Variants in ZBTB20 observed in about 807,000 individuals in gnomAD.
ZBTB20 encodes zinc finger and BTB domain-containing protein 20.
In ZBTB20, 9 loss-of-function variants were observed where a neutral mutation model predicts 56.9. That is an observed-to-expected ratio of 0.16 (90% CI 0.10 to 0.28). ZBTB20 has a LOEUF of 0.28. ZBTB20 is among the 10% of genes least tolerant of loss of function. The pLI, the probability that ZBTB20 is intolerant of heterozygous loss-of-function variation, is 1.00. For synonymous variants in ZBTB20, 417 were observed against 420.7 expected (o/e 0.99, Z 0.11); for missense variants, 655 against 1,003.0 (o/e 0.65, Z 4.69).
chr3:115,007,929 C>T (rs747675261), intron 2 of ZBTB20, among the ~76,000 whole-genome samples: 2 of 151,828 alleles, frequency 1.3e-5, no homozygotes, highest in Non-Finnish European at 2.9e-5. Flanking sequence ...CTTTTTGGCT[C>T]TTCTCCTGCC....
chr3:114,417,030 T>C (rs1342449677), intron 7 of ZBTB20, among the ~76,000 whole-genome samples: 1 of 152,086 alleles, frequency 6.6e-6, no homozygotes, highest in Non-Finnish European at 1.5e-5. Context: ...CAAATACAGA[T>C]GTTTTGACCA....
Position 114,329,082 on chromosome 3 carries a change from G to C in ZBTB20, c.*9923C>G, listed in dbSNP as rs555269370. 3 of 152,182 alleles carry C rather than the reference G, an allele frequency of 2.0e-5. No individual in the cohort carries two copies. The highest frequency in any genetic ancestry group is 4.4e-5 in the Non-Finnish European group (3 of 68,032). 9.4% of individuals were successfully genotyped at this position (152,182 alleles called of 1,614,324 possible). ...CATTAGCCCTTTCAAAGCAGACTAA[G>C]AGTACGTAGTTCCTTAGTGAATACA... On this transcript the variant is annotated 3_prime_UTR_variant, in exon 12 of 12. Coordinates refer to ENST00000675478, the MANE Select transcript of ZBTB20 (RefSeq NM_001348800.3).
chr3:114,570,701 C>A (rs1408300083), intron 6 of ZBTB20, among the ~76,000 whole-genome samples: 1 of 151,986 alleles, frequency 6.6e-6, no homozygotes, highest in Admixed American at 6.6e-5. Flanking sequence ...AGGAAAGCAC[C>A]CTTTTTACTC....
intron 5 of ZBTB20, among the ~76,000 whole-genome samples, chr3:114,799,474 G>A (rs779604897): frequency 6.6e-6 from 1 of 151,862 alleles, no homozygotes; most frequent in Non-Finnish European, 1.5e-5. Context: ...TCTTCTTCCT[G>A]ACTGTCAAAA....
chr3:114,743,093 G>A lies in ZBTB20; in HGVS notation c.-342-49518C>T, dbSNP rs188963024. On this transcript the variant is annotated intron_variant, in intron 5 of 11. Coordinates refer to ENST00000675478, the MANE Select transcript of ZBTB20 (RefSeq NM_001348800.3). ...ACAAAGCATTGTCACAGCAGAACATGGTCATAAGTCCATCAAAGAGAAACC... is the reference window on the plus strand; with the variant it reads ...ACAAAGCATTGTCACAGCAGAACATAGTCATAAGTCCATCAAAGAGAAACC... Among the ~76,000 whole-genome samples the A allele has an allele frequency of 1.1e-3, 169 of 152,132 alleles. 1 individual carries two copies. Among genetic ancestry groups the A allele is most frequent in the African/African-American group, 4.0e-3 (166 of 41,504 alleles).
chr3:114,626,775 G>A (rs868449115), intron 6 of ZBTB20, among the ~76,000 whole-genome samples: 24 of 152,256 alleles, frequency 1.6e-4, no homozygotes, highest in Middle Eastern at 6.8e-3. Context: ...AAAGCAACAG[G>A]ATAAAAGTGT....
At chr3:114,921,873 C>T (rs577913648) in intron 3 of ZBTB20, among the ~76,000 whole-genome samples, 8 of 151,508 alleles carry the variant, frequency 5.3e-5, no homozygotes, top group South Asian at 2.1e-4. Context: ...TAAATATACA[C>T]ATATATATAT....
At chr3:114,679,289 C>G (rs1472502604) in intron 6 of ZBTB20, among the ~76,000 whole-genome samples, 1 of 152,130 alleles carries the variant, frequency 6.6e-6, no homozygotes, top group Non-Finnish European at 1.5e-5. Context: ...CAAATGGGAT[C>G]TAATTAAACT....
At chr3:114,530,128 G>A (rs1401613184) in intron 6 of ZBTB20, among the ~76,000 whole-genome samples, 2 of 152,160 alleles carry the variant, frequency 1.3e-5, no homozygotes, top group African/African-American at 4.8e-5. Flanking sequence ...AATGTACAGT[G>A]CTTATAAAGT....
chr3:114,966,620 T>A (rs6796618), intron 3 of ZBTB20, among the ~76,000 whole-genome samples: 4 of 151,978 alleles, frequency 2.6e-5, no homozygotes, highest in Non-Finnish European at 4.4e-5. Flanking sequence ...AATAGTTCAG[T>A]CAAGACTGAA....
chr3:114,827,634 T>C (rs1057479309), intron 4 of ZBTB20, among the ~76,000 whole-genome samples: 3 of 151,702 alleles, frequency 2.0e-5, no homozygotes, highest in Non-Finnish European at 3.0e-5. Flanking sequence ...AACTGCTATC[T>C]TTTGGGAGAT....
At chr3:114,989,470 T>C (rs980638182) in intron 2 of ZBTB20, among the ~76,000 whole-genome samples, 10 of 152,202 alleles carry the variant, frequency 6.6e-5, no homozygotes, top group African/African-American at 9.6e-5. Flanking sequence ...TCTCTCTGTT[T>C]TGGTAGCAGC....
At chr3:114,396,190 A>T (rs1243347320) in intron 7 of ZBTB20, among the ~76,000 whole-genome samples, 1 of 152,212 alleles carries the variant, frequency 6.6e-6, no homozygotes, top group East Asian at 1.9e-4. Flanking sequence ...AGCATGATTT[A>T]TGACACAGCA....
At chr3:114,627,211 G>A (rs1330377376) in intron 6 of ZBTB20, among the ~76,000 whole-genome samples, 3 of 151,940 alleles carry the variant, frequency 2.0e-5, no homozygotes, top group Non-Finnish European at 4.4e-5. Context: ...CTCATTTCTG[G>A]TTGCTCTGTT....
chr3:114,452,465 A>G (rs920585596), intron 7 of ZBTB20, among the ~76,000 whole-genome samples: 1 of 152,128 alleles, frequency 6.6e-6, no homozygotes, highest in Non-Finnish European at 1.5e-5. Context: ...AACACTGGCC[A>G]CCTAGTACTT....
chr3:114,572,825 A>G (rs2053580235), intron 6 of ZBTB20, among the ~76,000 whole-genome samples: 1 of 152,220 alleles, frequency 6.6e-6, no homozygotes, highest in African/African-American at 2.4e-5. Flanking sequence ...CTGGGTACAG[A>G]GCCAAGTAAG....
chr3:114,822,830 G>A (rs1358106573), intron 4 of ZBTB20, among the ~76,000 whole-genome samples: 1 of 152,038 alleles, frequency 6.6e-6, no homozygotes, highest in Admixed American at 6.6e-5. Context: ...ACTTCTACAA[G>A]TAGAATCAGA....
intron 7 of ZBTB20, among the ~76,000 whole-genome samples, chr3:114,450,822 C>G (rs1417919113): frequency 6.6e-6 from 1 of 151,988 alleles, no homozygotes; most frequent in Non-Finnish European, 1.5e-5. Context: ...ATAACATCGG[C>G]ACAATTCATC....
intron 2 of ZBTB20, among the ~76,000 whole-genome samples, chr3:114,977,463 A>G (rs2078149194): frequency 6.6e-6 from 1 of 152,204 alleles, no homozygotes; most frequent in Admixed American, 6.5e-5. Context: ...AGAGTTAAAT[A>G]TAAGTGACAG....
Sources: allele counts gnomAD v4.1 joint callset (sites outside exome capture counted in the v4.1 genomes callset), GRCh38; gene constraint gnomAD v4.1.1; transcripts MANE v1.5; gene names NCBI Gene and HGNC (gene_info 2026-07-23, HGNC 2026-07-21).